CRYBG1: variants seen among roughly 807,000 people sequenced by gnomAD.
The protein encoded by CRYBG1 is beta/gamma crystallin domain-containing protein 1.
A neutral mutation model predicts 189.2 loss-of-function variants in CRYBG1; 139 were observed. That is an observed-to-expected ratio of 0.73 (90% CI 0.64 to 0.85). The LOEUF is 0.85. Ranked by LOEUF, CRYBG1 falls within the 40% of genes least tolerant of loss-of-function variation. CRYBG1 has a pLI of 0.00. For synonymous variants in CRYBG1, 1,023 were observed against 1,017.1 expected (o/e 1.01, Z -0.11); for missense variants, 2,611 against 2,675.8 (o/e 0.98, Z 0.53).
At position 106,552,223 on chromosome 6, in the gene CRYBG1, T is replaced by C; in HGVS notation, c.5472+7T>C. The C allele has an allele frequency of 6.5e-7, 1 of 1,526,764 alleles. No homozygotes were observed. Among genetic ancestry groups the C allele is most frequent in the African/African-American group, 1.4e-5 (1 of 71,424 alleles). The allele number at this position is 1,526,764 out of a possible 1,614,324, so 94.6% of individuals were successfully genotyped here. ...CCCAAGGAGACGAAATCAGGTAACT[T>C]TAAAAATATTCTTTTATATTAATAT... On this transcript the variant is annotated splice_region_variant and intron_variant, in intron 15 of 21. Coordinates refer to ENST00000633556, the MANE Select transcript of CRYBG1 (RefSeq NM_001371242.2).
At chr6:106,395,023 G>A (rs1770577866) in intron 1 of CRYBG1, among the ~76,000 whole-genome samples, 1 of 150,450 alleles carries the variant, frequency 6.6e-6, no homozygotes, top group African/African-American at 2.4e-5. Flanking sequence ...ACCTGGAAAT[G>A]TATATATATA....
chr6:106,419,276 C>T (rs1771081684), intron 1 of CRYBG1, among the ~76,000 whole-genome samples: 1 of 152,204 alleles, frequency 6.6e-6, no homozygotes, highest in African/African-American at 2.4e-5. Flanking sequence ...AAAGGGAAAC[C>T]TTACCAAGGA....
chr6:106,462,781 A>G (rs1227009648), intron 2 of CRYBG1, among the ~76,000 whole-genome samples: 1 of 152,210 alleles, frequency 6.6e-6, no homozygotes, highest in East Asian at 1.9e-4. Context: ...TGGACTTGAC[A>G]GGTGATGTTG....
intron 1 of CRYBG1, among the ~76,000 whole-genome samples, chr6:106,432,384 G>T (rs1771346811): frequency 6.6e-6 from 1 of 152,184 alleles, no homozygotes; most frequent in African/African-American, 2.4e-5. Context: ...CTTCTAACCT[G>T]CTCTTCACTC....
At chr6:106,517,441 T>TATATATATACAC (rs1342124273) in intron 3 of CRYBG1, among the ~76,000 whole-genome samples, 5,125 of 145,148 alleles carry the variant, frequency 0.035, 371 homozygotes, top group African/African-American at 0.13. Flanking sequence ...CACACACACA[T>TATATATATACAC]ATATATACAC....
At chr6:106,553,396 TA>T in intron 15 of CRYBG1, 58 bp from the exon 16 acceptor site, 1 of 1,176,748 alleles carries the variant, frequency 8.5e-7, no homozygotes, top group Non-Finnish European at 1.3e-6. Context: ...TTTCAAAGGC[TA>T]AATTAGTTAA....
At chr6:106,555,121 T>A (rs1489865900) in intron 16 of CRYBG1, among the ~76,000 whole-genome samples, 1 of 149,842 alleles carries the variant, frequency 6.7e-6, no homozygotes, top group Admixed American at 6.7e-5. Flanking sequence ...GCCGAGATCA[T>A]GCCACTGCAC....
At position 106,360,855 on chromosome 6, in the gene CRYBG1, C is replaced by G; in HGVS notation, c.-54C>G. 3 of 1,483,126 alleles carry G rather than the reference C, an allele frequency of 2.0e-6. No individual in the cohort carries two copies. The highest frequency in any genetic ancestry group is 2.0e-4 in the Middle Eastern group (1 of 5,000). 91.9% of individuals were successfully genotyped at this position (1,483,126 alleles called of 1,614,324 possible). A position where few individuals can be genotyped will look rare whatever the true frequency, so the allele number is the denominator to read the frequency against. On this transcript the variant is annotated 5_prime_UTR_variant, in exon 1 of 22. Transcript: ENST00000633556. The stretch of plus-strand genomic sequence containing the variant: ...CTCAGGTGTGTTCTTCCATAGGGCC[C>G]GGGCGGCAGAGAGGACCGCGTCCCG...
intron 1 of CRYBG1, among the ~76,000 whole-genome samples, chr6:106,402,795 T>A (rs80113614): frequency 4.5e-4 from 69 of 152,036 alleles, no homozygotes; most frequent in African/African-American, 1.5e-3. Flanking sequence ...GAGCCCTTGA[T>A]CTATGGCCTG....
At chr6:106,552,913 CT>C (rs1394605366) in intron 15 of CRYBG1, among the ~76,000 whole-genome samples, 1 of 152,124 alleles carries the variant, frequency 6.6e-6, no homozygotes, top group Admixed American at 6.5e-5. Flanking sequence ...CTCACTCAAG[CT>C]TTCTGAATGC....
intron 1 of CRYBG1, among the ~76,000 whole-genome samples, chr6:106,446,190 A>C (rs1293658915): frequency 1.3e-5 from 2 of 152,324 alleles, no homozygotes; most frequent in Non-Finnish European, 1.5e-5. Context: ...TTGCTCAGTA[A>C]ATGGTTGCTC....
At chr6:106,444,509 C>G (rs757456702) in intron 1 of CRYBG1, among the ~76,000 whole-genome samples, 7 of 152,112 alleles carry the variant, frequency 4.6e-5, no homozygotes, top group African/African-American at 9.7e-5. Flanking sequence ...TTGCTTGTGC[C>G]CAGAATGAAA....
intron 2 of CRYBG1, among the ~76,000 whole-genome samples, chr6:106,503,326 T>TA (rs1357445920): frequency 6.6e-6 from 1 of 152,202 alleles, no homozygotes; most frequent in Non-Finnish European, 1.5e-5. Context: ...TATCTACAAT[T>TA]ACCTGGATTC....
chr6:106,528,493 G>T (rs1336502322), intron 7 of CRYBG1, among the ~76,000 whole-genome samples: 1 of 152,032 alleles, frequency 6.6e-6, no homozygotes, highest in South Asian at 2.1e-4. Flanking sequence ...TGCTTTTTCT[G>T]CAGTAATAAT....
chr6:106,412,752 T>G (rs1770952918), intron 1 of CRYBG1, among the ~76,000 whole-genome samples: 1 of 152,210 alleles, frequency 6.6e-6, no homozygotes, highest in Non-Finnish European at 1.5e-5. Context: ...TATCCTTTAT[T>G]TCACTTTCAA....
intron 2 of CRYBG1, among the ~76,000 whole-genome samples, chr6:106,491,737 C>T (rs778530494): frequency 6.6e-6 from 1 of 152,080 alleles, no homozygotes; most frequent in African/African-American, 2.4e-5. Flanking sequence ...CCACTTGGAC[C>T]CACCAGGGGC....
At chr6:106,460,131 C>T (rs374739700) in intron 2 of CRYBG1, among the ~76,000 whole-genome samples, 18 of 146,322 alleles carry the variant, frequency 1.2e-4, no homozygotes, top group East Asian at 6.1e-4. Context: ...GGACTACAGG[C>T]GCCCGCCACC....
chr6:106,522,257 ACT>A (rs1773627326), intron 4 of CRYBG1, among the ~76,000 whole-genome samples: 2 of 152,036 alleles, frequency 1.3e-5, no homozygotes, highest in Admixed American at 1.3e-4. Context: ...TGTGAGATTC[ACT>A]CTTTGTTCCC....
In CRYBG1 at chr6:106,544,828, A is replaced by T. The variant is rs766731753; in HGVS notation, c.5207A>T (p.Asn1736Ile). ...CACATGATAATGTACAGTGAAAAAA[A>T]CTTTGGATCCAAAGGTTCCAGTATT... ...NAHMIMYSEK[N>I]FGSKGSSIDV... Residue 1736 changes from asparagine to isoleucine, a missense_variant, in exon 13 of 22, where the codon AAC (asparagine) becomes ATC (isoleucine). By Grantham distance (149) the Asn-to-Ile change is moderately radical. Transcript: ENST00000633556. 1.4e-5 allele frequency: 22 copies of T among 1,610,416 alleles called. No homozygotes were observed. Among genetic ancestry groups the T allele is most frequent in the Non-Finnish European group, 1.9e-5 (22 of 1,179,126 alleles).
Sources: gnomAD v4.1 joint callset for allele counts (sites outside exome capture counted in the v4.1 genomes callset) on GRCh38, gnomAD v4.1.1 for gene constraint, MANE v1.5 for transcripts, NCBI Gene and HGNC (gene_info 2026-07-23, HGNC 2026-07-21) for gene names.